FRMD3: variants seen among roughly 807,000 people sequenced by gnomAD.
The protein encoded by FRMD3 is FERM domain-containing protein 3.
FRMD3 carries 33 observed loss-of-function variants against 70.2 expected under a neutral mutation model. The ratio of observed to expected loss-of-function variants is 0.47; its 90% CI spans 0.36 to 0.63. The LOEUF (loss-of-function observed/expected upper bound fraction) is 0.63, where lower values mean the gene tolerates loss of function less well. Ranked by LOEUF, FRMD3 falls within the 20% of genes least tolerant of loss-of-function variation. FRMD3 has a pLI of 0.00. For missense variants in FRMD3, 632 were observed against 711.4 expected (o/e 0.89, Z 1.27); for synonymous variants, 279 against 255.9 (o/e 1.09, Z -0.86).
chr9:83,424,795 T>A lies in FRMD3; in HGVS notation c.148-35087A>T, dbSNP rs143995898. Among the ~76,000 whole-genome samples, 79 of 152,346 alleles carry A rather than the reference T, an allele frequency of 5.2e-4. 2 individuals are homozygous for A. The East Asian group carries it at 0.015, about 28-fold the overall frequency. ...CCTAACATTTCCAAATGATCCCAATTAATCATATAACTATCCACACAAAGT... is the reference window on the plus strand; with the variant it reads ...CCTAACATTTCCAAATGATCCCAATAAATCATATAACTATCCACACAAAGT... On this transcript the variant is annotated intron_variant, in intron 1 of 13. Coordinates refer to ENST00000304195, the MANE Select transcript of FRMD3 (RefSeq NM_174938.6).
At position 83,378,583 on chromosome 9, in the gene FRMD3, T is replaced by C. The variant is rs530511443; in HGVS notation, c.253-5628A>G. Among the ~76,000 whole-genome samples the C allele has an allele frequency of 2.5e-4, 33 of 131,130 alleles. 1 individual carries two copies. The South Asian group carries it at 4.2e-3, about 16-fold the overall frequency. The allele number at this position is 131,130 out of a possible 152,430, so 86.0% of individuals were successfully genotyped here. Reference sequence around the variant, plus strand: ...ATATATAAAATATACATATAAAATTTATATATACAATATACATATAAAATT... The same window carrying C: ...ATATATAAAATATACATATAAAATTCATATATACAATATACATATAAAATT... On this transcript the variant is annotated intron_variant, in intron 2 of 13. Coordinates refer to ENST00000304195, the MANE Select transcript of FRMD3 (RefSeq NM_174938.6).
intron 1 of FRMD3, among the ~76,000 whole-genome samples, chr9:83,479,403 G>A (rs1234772349): frequency 7.6e-6 from 1 of 132,296 alleles, no homozygotes; most frequent in Non-Finnish European, 1.7e-5. Flanking sequence ...AAGAAAGGAG[G>A]GAGGGAGGGA....
At chr9:83,578,782 CATT>C in the FRMD3 span, among the ~76,000 whole-genome samples, 1 of 151,954 alleles carries the variant, frequency 6.6e-6, no homozygotes, top group Admixed American at 6.6e-5. Context: ...CCACTCTCAT[CATT>C]TCTTTTCAAC....
At chr9:83,358,479 G>T (rs1216414978) in intron 3 of FRMD3, among the ~76,000 whole-genome samples, 1 of 152,040 alleles carries the variant, frequency 6.6e-6, no homozygotes, top group African/African-American at 2.4e-5. Flanking sequence ...AATGATGGTG[G>T]TATTTTGACG....
chr9:83,299,259 T>C, intron 10 of FRMD3, 73 bp from the exon 11 acceptor site: 1 of 884,608 alleles, frequency 1.1e-6, no homozygotes, highest in Non-Finnish European at 1.8e-6. Context: ...AGAGGTGTGG[T>C]GATGGGGTAT....
chr9:83,272,979 C>A (rs1416028703), intron 13 of FRMD3, among the ~76,000 whole-genome samples: 2 of 150,856 alleles, frequency 1.3e-5, no homozygotes, highest in South Asian at 2.1e-4. Flanking sequence ...AGCATCTCCG[C>A]CCGGCAGCCG....
At chr9:83,545,628 A>T in the FRMD3 span, among the ~76,000 whole-genome samples, 1 of 152,106 alleles carries the variant, frequency 6.6e-6, no homozygotes, top group African/African-American at 2.4e-5. Flanking sequence ...AAGTGCTAGG[A>T]TTACAGGAGT....
At chr9:83,407,861 C>CTCTCTCTCA (rs1826158679) in intron 1 of FRMD3, among the ~76,000 whole-genome samples, 1 of 129,940 alleles carries the variant, frequency 7.7e-6, no homozygotes, top group Non-Finnish European at 1.5e-5. Context: ...CTCTCTCTCT[C>CTCTCTCTCA]TCTCTCTCTC....
rs1252634820 is a variant in FRMD3, at chr9:83,490,790, TCTCTCTCTCA to T, written c.147+47285_147+47294del. Among the ~76,000 whole-genome samples, 655 of 122,252 alleles carry T rather than the reference TCTCTCTCTCA, an allele frequency of 5.4e-3. 6 individuals carry two copies. Among genetic ancestry groups the T allele is most frequent in the African/African-American group, 0.023 (610 of 26,508 alleles). 80.2% of individuals were successfully genotyped at this position (122,252 alleles called of 152,430 possible). A position where few individuals can be genotyped will look rare whatever the true frequency, so the allele number is the denominator to read the frequency against. ...CTCTCTCTCTCTCTCTCTCTCTCTCTCTCTCTCTCACACACACACACACACACACACACAC... is the reference window on the plus strand; with the variant it reads ...CTCTCTCTCTCTCTCTCTCTCTCTCTCACACACACACACACACACACACAC... On this transcript the variant is annotated intron_variant, in intron 1 of 13. Coordinates refer to ENST00000304195, the MANE Select transcript of FRMD3 (RefSeq NM_174938.6).
intron 6 of FRMD3, among the ~76,000 whole-genome samples, chr9:83,322,045 G>A (rs1360243381): frequency 2.0e-5 from 3 of 152,012 alleles, no homozygotes; most frequent in Admixed American, 6.5e-5. Context: ...CTCGGCCCAC[G>A]GTGGAGTGCA....
intron 1 of FRMD3, among the ~76,000 whole-genome samples, chr9:83,449,192 T>TGGACTCCGGTATGTCGCACCAACAGCCCC (rs1255324730): frequency 6.6e-6 from 1 of 152,210 alleles, no homozygotes; most frequent in East Asian, 1.9e-4. Flanking sequence ...CCCACCAGTC[T>TGGACTCCGGTATGTCGCACCAACAGCCCC]GGACTCCGGT....
At chr9:83,336,858 T>C (rs918690160) in intron 5 of FRMD3, among the ~76,000 whole-genome samples, 1 of 151,686 alleles carries the variant, frequency 6.6e-6, no homozygotes, top group Non-Finnish European at 1.5e-5. Context: ...ACCACTGATA[T>C]CAACCAATTG....
At chr9:83,306,353 C>T (rs1407350033) in intron 10 of FRMD3, among the ~76,000 whole-genome samples, 1 of 152,216 alleles carries the variant, frequency 6.6e-6, no homozygotes, top group Non-Finnish European at 1.5e-5. Flanking sequence ...CTCTTTCACA[C>T]TGGTCAAGCC....
At chr9:83,486,353 T>G (rs1284307858) in intron 1 of FRMD3, among the ~76,000 whole-genome samples, 1 of 152,104 alleles carries the variant, frequency 6.6e-6, no homozygotes, top group Non-Finnish European at 1.5e-5. Context: ...GGAAGATACA[T>G]TTGGTAGCCA....
At chr9:83,449,617 C>A (rs12685326) in intron 1 of FRMD3, among the ~76,000 whole-genome samples, 35,844 of 152,016 alleles carry the variant, frequency 0.24, 4,245 homozygotes, top group Non-Finnish European at 0.26. Flanking sequence ...CACAGATGCA[C>A]CCCTGCTCAG....
intron 6 of FRMD3, among the ~76,000 whole-genome samples, chr9:83,335,142 A>G (rs1254021448): frequency 3.9e-5 from 6 of 152,212 alleles, no homozygotes; most frequent in Non-Finnish European, 7.3e-5. Flanking sequence ...CTTGGAGTCA[A>G]TGCTTCCAGC....
At chr9:83,298,410 G>A (rs140198353) in intron 12 of FRMD3, among the ~76,000 whole-genome samples, 3 of 152,170 alleles carry the variant, frequency 2.0e-5, no homozygotes, top group African/African-American at 4.8e-5. Flanking sequence ...GATGAATACA[G>A]GCAGGAACAG....
At position 83,248,304 on chromosome 9, in the gene FRMD3, G is replaced by A; in HGVS notation, c.1408C>T (p.Pro470Ser). 1.9e-6 allele frequency: 3 copies of A among 1,614,146 alleles called. No individual in the cohort carries two copies. The highest frequency in any genetic ancestry group is 2.5e-6 in the Non-Finnish European group (3 of 1,180,022). Residue 470 changes from proline (P) to serine (S), a missense_variant, in exon 14 of 14, where the codon CCT becomes TCT. Transcript: ENST00000304195. ...DDEIDMLFDC[P>S]SRLELEREDT... ...TCTCTTTCCAACTCAAGCCTAGAAG[G>A]ACAGTCAAAGAGCATGTCAATCTCA...
intron 12 of FRMD3, among the ~76,000 whole-genome samples, chr9:83,294,501 T>C (rs1055639800): frequency 6.6e-5 from 10 of 152,218 alleles, no homozygotes; most frequent in South Asian, 2.1e-4. Context: ...GCCAGCCCAA[T>C]TGAACTAATG....
Sources: allele counts gnomAD v4.1 joint callset (sites outside exome capture counted in the v4.1 genomes callset), GRCh38; gene constraint gnomAD v4.1.1; transcripts MANE v1.5; gene names NCBI Gene and HGNC (gene_info 2026-07-23, HGNC 2026-07-21).